Variants in IL10RB observed in about 807,000 individuals in gnomAD.
IL10RB encodes the protein interleukin 10 receptor subunit beta, also known as interleukin-10 receptor subunit beta.
In IL10RB, 30 loss-of-function variants were observed where a neutral mutation model predicts 38.7. That is an observed-to-expected ratio of 0.78 (90% CI 0.58 to 1.05). IL10RB has a LOEUF of 1.05. Ranked by LOEUF, IL10RB falls within the 50% of genes least tolerant of loss-of-function variation. The probability of loss-of-function intolerance (pLI) is 0.00; values close to 1 mark genes in which losing one functional copy is unlikely to be tolerated. For missense variants in IL10RB, 328 were observed against 397.1 expected (o/e 0.83, Z 1.48); for synonymous variants, 142 against 145.9 (o/e 0.97, Z 0.19).
chr21:33,293,430 C>A (rs987237504), intron 6 of IL10RB, among the ~76,000 whole-genome samples: 2 of 152,196 alleles, frequency 1.3e-5, no homozygotes, highest in Non-Finnish European at 2.9e-5. Context: ...GCCTCCTCCA[C>A]AAAAGGGATC....
chr21:33,283,330 G>C (rs1989314187), intron 5 of IL10RB, 89 bp downstream of exon 5: 4 of 1,337,466 alleles, frequency 3.0e-6, no homozygotes, highest in Non-Finnish European at 4.3e-6. Context: ...TCAAATTCCA[G>C]CTCAGTTCAG....
At chr21:33,273,434 C>T (rs1037339852) in intron 2 of IL10RB, among the ~76,000 whole-genome samples, 1 of 152,218 alleles carries the variant, frequency 6.6e-6, no homozygotes, top group Middle Eastern at 3.4e-3. Context: ...TATTTACTTG[C>T]GGAAAAATGG....
intron 1 of IL10RB, among the ~76,000 whole-genome samples, chr21:33,267,498 G>GTT (rs1988982255): frequency 7.9e-6 from 1 of 126,278 alleles, no homozygotes; most frequent in African/African-American, 3.1e-5. Flanking sequence ...TTTTTTGTTT[G>GTT]TTTGTTTTTT....
In IL10RB at chr21:33,276,706, A is replaced by G; in HGVS notation, c.284A>G (p.Asp95Gly). The change falls in exon 3 of 7, where the codon GAT (aspartate) becomes GGT (glycine). Residue 95 changes from aspartate to glycine, a missense_variant. Transcript: ENST00000290200. Reference protein sequence around the residue: ...HTLRVRAEFADEHSDWVNITF... With the variant: ...HTLRVRAEFAGEHSDWVNITF... ...TTGAGAGTCAGGGCTGAATTTGCAG[A>G]TGAGCATTCAGACTGGGTAAACATC... 6.2e-7 allele frequency: 1 copy of G among 1,614,062 alleles called. No homozygotes were observed. The highest frequency in any genetic ancestry group is 8.5e-7 in the Non-Finnish European group (1 of 1,179,884).
intron 1 of IL10RB, among the ~76,000 whole-genome samples, chr21:33,307,798 A>G (rs1319279666): frequency 1.3e-5 from 2 of 152,094 alleles, no homozygotes; most frequent in African/African-American, 4.8e-5. Context: ...GCATTACTTG[A>G]CATCATAATA....
exon 2 of IL10RB, chr21:33,309,554 T>G (rs1202525821): frequency 6.6e-6 from 1 of 152,230 alleles, no homozygotes. Context: ...ATATCAGTTA[T>G]GATGCTCAAG....
chr21:33,269,911 G>C (rs1989045619), intron 2 of IL10RB, among the ~76,000 whole-genome samples: 1 of 152,096 alleles, frequency 6.6e-6, no homozygotes, highest in Non-Finnish European at 1.5e-5. Flanking sequence ...ACCCACCTCG[G>C]CTTCCCGAAG....
At chr21:33,268,825 TC>T (rs1380484019) in intron 2 of IL10RB, among the ~76,000 whole-genome samples, 2 of 152,178 alleles carry the variant, frequency 1.3e-5, no homozygotes, top group East Asian at 3.8e-4. Context: ...GCTGTGCCCA[TC>T]CCAGCTTGTT....
At chr21:33,271,957 A>T (rs1187158905) in intron 2 of IL10RB, among the ~76,000 whole-genome samples, 1 of 151,554 alleles carries the variant, frequency 6.6e-6, no homozygotes, top group African/African-American at 2.4e-5. Context: ...GCTGGACTTG[A>T]GTTGGAAAGA....
At chr21:33,284,106 G>A (rs1989329212) in intron 5 of IL10RB, among the ~76,000 whole-genome samples, 1 of 152,046 alleles carries the variant, frequency 6.6e-6, no homozygotes. Flanking sequence ...GACCAGCCTG[G>A]CCAAAATGGC....
At chr21:33,270,018 C>T (rs557151181) in intron 2 of IL10RB, among the ~76,000 whole-genome samples, 26 of 152,302 alleles carry the variant, frequency 1.7e-4, no homozygotes, top group African/African-American at 6.0e-4. Context: ...CTCTCATGCC[C>T]TTTGTGCTGT....
At chr21:33,287,955 T>C in intron 5 of IL10RB, 149 bp from the exon 6 acceptor site, 1 of 796,166 alleles carries the variant, frequency 1.3e-6, no homozygotes, top group Non-Finnish European at 2.2e-6. Flanking sequence ...CAAAAACCTC[T>C]GGGTCCTCCA....
At chr21:33,308,573 T>C (rs2083004382) in intron 1 of IL10RB, 1 of 152,150 alleles carries the variant, frequency 6.6e-6, no homozygotes, top group South Asian at 2.1e-4. Flanking sequence ...CTTTTGACAG[T>C]CCCGTAGATA....
At chr21:33,276,569 G>A in intron 2 of IL10RB, 27 bp from the exon 3 acceptor site, 1 of 1,605,832 alleles carries the variant, frequency 6.2e-7, no homozygotes, top group Non-Finnish European at 8.5e-7. Flanking sequence ...GAACTCTCCT[G>A]ATTGACCTAT....
chr21:33,283,789 C>T (rs112087714), intron 5 of IL10RB, among the ~76,000 whole-genome samples: 3 of 42,370 alleles, frequency 7.1e-5, no homozygotes, highest in East Asian at 3.1e-4. Flanking sequence ...GAGGAAGGAA[C>T]GGGAGAAGGA....
At chr21:33,293,046 G>A (rs1989520689) in intron 6 of IL10RB, among the ~76,000 whole-genome samples, 1 of 152,218 alleles carries the variant, frequency 6.6e-6, no homozygotes, top group Admixed American at 6.5e-5. Flanking sequence ...TCCTAGTGGT[G>A]GGAGGGGCAA....
In IL10RB at chr21:33,297,207, C is replaced by T. The variant is rs1300649528; in HGVS notation, c.*850C>T. The T allele has an allele frequency of 6.5e-6, 1 of 153,436 alleles. No homozygotes were observed. Among genetic ancestry groups the T allele is most frequent in the Non-Finnish European group, 1.5e-5 (1 of 68,958 alleles). 9.5% of individuals were successfully genotyped at this position (153,436 alleles called of 1,614,324 possible). A position where few individuals can be genotyped will look rare whatever the true frequency, so the allele number is the denominator to read the frequency against. ...GCTGGTGCTCCATTAAAGTTTTACT[C>T]TGTGTTGCACTATATGTGTTCATGA... On this transcript the variant is annotated 3_prime_UTR_variant, in exon 7 of 7. Transcript: ENST00000290200.
intron 2 of IL10RB, among the ~76,000 whole-genome samples, chr21:33,272,728 G>A (rs1360577985): frequency 6.6e-6 from 1 of 152,230 alleles, no homozygotes; most frequent in Non-Finnish European, 1.5e-5. Flanking sequence ...TTATAGGCGT[G>A]AGCCACTGAG....
chr21:33,274,145 C>T (rs1430344878), intron 2 of IL10RB, among the ~76,000 whole-genome samples: 1 of 152,098 alleles, frequency 6.6e-6, no homozygotes, highest in Non-Finnish European at 1.5e-5. Flanking sequence ...TCTATGGCAG[C>T]TATAACTTTA....
Sources: allele counts gnomAD v4.1 joint callset (sites outside exome capture counted in the v4.1 genomes callset), GRCh38; gene constraint gnomAD v4.1.1; transcripts MANE v1.5; gene names NCBI Gene and HGNC (gene_info 2026-07-23, HGNC 2026-07-21).